RAB3C: variants seen among roughly 807,000 people sequenced by gnomAD.
The protein encoded by RAB3C is RAB3C, member RAS oncogene family.
In RAB3C, 17 loss-of-function variants were observed where a neutral mutation model predicts 26.4. That is an observed-to-expected ratio of 0.64 (90% CI 0.44 to 0.97). The LOEUF (loss-of-function observed/expected upper bound fraction) is 0.97. RAB3C is among the 50% of genes least tolerant of loss of function. RAB3C has a pLI of 0.00. For missense variants in RAB3C, 242 were observed against 281.9 expected (o/e 0.86, Z 1.01); for synonymous variants, 91 against 95.9 (o/e 0.95, Z 0.30).
chr5:58,721,725 A>G (rs1444835667), intron 2 of RAB3C, among the ~76,000 whole-genome samples: 5 of 151,782 alleles, frequency 3.3e-5, no homozygotes, highest in African/African-American at 1.2e-4. Context: ...GTGTCTGTTT[A>G]TTAGCTTAAT....
intron 2 of RAB3C, among the ~76,000 whole-genome samples, chr5:58,722,412 CAA>C (rs146452492): frequency 2.6e-5 from 3 of 116,844 alleles, no homozygotes. Context: ...TAATCAATGC[CAA>C]AAAAAAAAAA....
At chr5:58,765,200 C>T (rs1448217624) in intron 3 of RAB3C, among the ~76,000 whole-genome samples, 1 of 152,142 alleles carries the variant, frequency 6.6e-6, no homozygotes, top group African/African-American at 2.4e-5. Flanking sequence ...GCCAGCACCT[C>T]CTGCTCCCAA....
chr5:58,745,649 G>A (rs985066497), intron 3 of RAB3C, among the ~76,000 whole-genome samples: 5 of 152,122 alleles, frequency 3.3e-5, no homozygotes, highest in Admixed American at 1.3e-4. Context: ...CAGCCACGAG[G>A]CAGGTATTTA....
rs140176358 is a variant in RAB3C, at chr5:58,812,424, T to C, written c.372-12614T>C. Among the ~76,000 whole-genome samples, 552 of 152,288 alleles carry C rather than the reference T, an allele frequency of 3.6e-3. 2 individuals carry two copies. Among genetic ancestry groups the C allele is most frequent in the African/African-American group, 0.013 (523 of 41,560 alleles). On this transcript the variant is annotated intron_variant, in intron 3 of 4. Coordinates refer to ENST00000282878, the MANE Select transcript of RAB3C (RefSeq NM_138453.4). ...TAGGGGTGGAGCACAGGAGTAGGTT[T>C]TAGCAAACTTTCCAGGTGATTCTAA...
intron 3 of RAB3C, among the ~76,000 whole-genome samples, chr5:58,728,291 A>T (rs1448119699): frequency 2.0e-5 from 3 of 152,034 alleles, no homozygotes; most frequent in Non-Finnish European, 4.4e-5. Context: ...ATCCACCATC[A>T]CCCAGTTATC....
intron 3 of RAB3C, chr5:58,823,255 G>A (rs1333939521): frequency 8.1e-6 from 2 of 247,904 alleles, no homozygotes; most frequent in East Asian, 1.0e-4. Flanking sequence ...GCTGGGCACG[G>A]TGGCTCACAG....
intron 3 of RAB3C, among the ~76,000 whole-genome samples, chr5:58,818,516 G>T (rs1439719753): frequency 6.6e-6 from 1 of 152,018 alleles, no homozygotes; most frequent in African/African-American, 2.4e-5. Flanking sequence ...GTTTTGTTTT[G>T]TTTTAGCTAA....
At chr5:58,677,431 T>TA (rs1464661055) in intron 2 of RAB3C, among the ~76,000 whole-genome samples, 3 of 152,314 alleles carry the variant, frequency 2.0e-5, no homozygotes, top group Admixed American at 2.0e-4. Flanking sequence ...TTTGTTGTTT[T>TA]AGTTTGTTTA....
intron 3 of RAB3C, among the ~76,000 whole-genome samples, chr5:58,780,579 C>T (rs1169652515): frequency 1.3e-5 from 2 of 152,032 alleles, no homozygotes; most frequent in African/African-American, 2.4e-5. Flanking sequence ...GACCTTAGTA[C>T]CTAAGTTTTG....
chr5:58,634,633 T>C (rs1440217562), intron 2 of RAB3C, among the ~76,000 whole-genome samples: 1 of 152,196 alleles, frequency 6.6e-6, no homozygotes, highest in Non-Finnish European at 1.5e-5. Context: ...CAGAAAGTTG[T>C]GTTTTGCCAC....
At chr5:58,640,519 G>T (rs1747393601) in intron 2 of RAB3C, among the ~76,000 whole-genome samples, 1 of 152,172 alleles carries the variant, frequency 6.6e-6, no homozygotes. Context: ...CCATTGTAGA[G>T]AGTGCTCCAT....
intron 4 of RAB3C, among the ~76,000 whole-genome samples, chr5:58,849,062 T>A (rs75973842): frequency 1.3e-5 from 2 of 152,180 alleles, no homozygotes; most frequent in Non-Finnish European, 2.9e-5. Flanking sequence ...AATATGATGA[T>A]AGGGTGTTGA....
At chr5:58,629,039 A>AT (rs1561272134) in intron 2 of RAB3C, among the ~76,000 whole-genome samples, 1 of 151,060 alleles carries the variant, frequency 6.6e-6, no homozygotes, top group Non-Finnish European at 1.5e-5. Flanking sequence ...AAAAAAAAAA[A>AT]AAAAAAAAAA....
chr5:58,731,882 T>C (rs1227265698), intron 3 of RAB3C, among the ~76,000 whole-genome samples: 1 of 152,148 alleles, frequency 6.6e-6, no homozygotes, highest in East Asian at 1.9e-4. Context: ...GCAAGGGGTC[T>C]GTGGCATTGG....
intron 4 of RAB3C, among the ~76,000 whole-genome samples, chr5:58,844,442 T>C (rs1326241504): frequency 1.3e-5 from 2 of 152,218 alleles, no homozygotes; most frequent in Non-Finnish European, 2.9e-5. Flanking sequence ...ATTTTGGCCC[T>C]TCTTCAGGCA....
At chr5:58,742,732 T>C (rs1287962514) in intron 3 of RAB3C, among the ~76,000 whole-genome samples, 2 of 152,162 alleles carry the variant, frequency 1.3e-5, no homozygotes, top group African/African-American at 4.8e-5. Context: ...ACTGTGGAAA[T>C]GAGTGCTTTC....
At chr5:58,848,874 T>A (rs1260852627) in intron 4 of RAB3C, among the ~76,000 whole-genome samples, 2 of 152,206 alleles carry the variant, frequency 1.3e-5, no homozygotes, top group African/African-American at 4.8e-5. Context: ...TGATAATCTA[T>A]CTCTCACCAT....
At chr5:58,686,679 T>C (rs436734) in intron 2 of RAB3C, among the ~76,000 whole-genome samples, 77 of 146,144 alleles carry the variant, frequency 5.3e-4, no homozygotes, top group Admixed American at 1.1e-3. Flanking sequence ...CACACACACA[T>C]ACACACACAC....
intron 4 of RAB3C, among the ~76,000 whole-genome samples, chr5:58,849,231 C>T (rs1215132210): frequency 1.3e-5 from 2 of 152,140 alleles, no homozygotes; most frequent in Non-Finnish European, 2.9e-5. Context: ...AAAAATTGAA[C>T]TTGTAAATGA....
Sources: gnomAD v4.1 joint callset for allele counts (sites outside exome capture counted in the v4.1 genomes callset) on GRCh38, gnomAD v4.1.1 for gene constraint, MANE v1.5 for transcripts, NCBI Gene and HGNC (gene_info 2026-07-23, HGNC 2026-07-21) for gene names.